The following COL4A1 variants were observed in gnomAD, a reference collection of about 807,000 sequenced individuals.
COL4A1 encodes collagen type IV alpha 1 chain, also known as collagen alpha-1(IV) chain.
COL4A1 carries 40 observed loss-of-function variants against 216.6 expected under a neutral mutation model. That is an observed-to-expected ratio of 0.18 (90% CI 0.14 to 0.24). The LOEUF is 0.24. Among genes scored for constraint, COL4A1 ranks in the 10% least tolerant of loss-of-function variants. The pLI is 1.00. For missense variants in COL4A1, 1,628 were observed against 2,196.8 expected (o/e 0.74, Z 5.18); for synonymous variants, 839 against 810.7 (o/e 1.03, Z -0.59).
At chr13:110,303,917 C>G (rs1884590463) in intron 1 of COL4A1, among the ~76,000 whole-genome samples, 1 of 152,236 alleles carries the variant, frequency 6.6e-6, no homozygotes, top group Non-Finnish European at 1.5e-5. Context: ...AGGGACAGAC[C>G]TGCCAGGGAA....
intron 1 of COL4A1, among the ~76,000 whole-genome samples, chr13:110,271,213 C>T (rs371493624): frequency 6.6e-6 from 1 of 152,180 alleles, no homozygotes; most frequent in East Asian, 1.9e-4. Context: ...GAGACAGCGG[C>T]GCCAACCACT....
intron 1 of COL4A1, among the ~76,000 whole-genome samples, chr13:110,252,772 T>A (rs1377009441): frequency 3.0e-5 from 3 of 99,914 alleles, no homozygotes; most frequent in African/African-American, 1.1e-4. Flanking sequence ...ATGTATCATA[T>A]AAACATATAA....
At chr13:110,199,913 T>A (rs1191517781) in intron 20 of COL4A1, among the ~76,000 whole-genome samples, 1 of 151,276 alleles carries the variant, frequency 6.6e-6, no homozygotes, top group Non-Finnish European at 1.5e-5. Context: ...AGAGTCAGAG[T>A]TTTTACAGAA....
At chr13:110,266,304 G>T (rs915259216) in intron 1 of COL4A1, among the ~76,000 whole-genome samples, 1 of 152,206 alleles carries the variant, frequency 6.6e-6, no homozygotes, top group Non-Finnish European at 1.5e-5. Context: ...AGGGGAACTG[G>T]CAAGCCACCG....
At chr13:110,220,640 T>A (rs887249894) in intron 2 of COL4A1, among the ~76,000 whole-genome samples, 8 of 151,960 alleles carry the variant, frequency 5.3e-5, no homozygotes, top group African/African-American at 1.9e-4. Context: ...GCACGTGGGG[T>A]TGTTTGGGCA....
chr13:110,246,710 T>C (rs613415), intron 1 of COL4A1, among the ~76,000 whole-genome samples: 150,497 of 152,316 alleles, frequency 0.99, 74,375 homozygotes, highest in Middle Eastern at 1. Context: ...TGGATGACCC[T>C]ACAGATAAGC....
In COL4A1 at chr13:110,268,180, G is replaced by T. The variant is rs1009011446; in HGVS notation, c.85-25446C>A. ...CTAGCATATAAAGACAAGGGGCCAGGTTCAGCAGGGCCGATGCCAACTGTG... is the reference window on the plus strand; with the variant it reads ...CTAGCATATAAAGACAAGGGGCCAGTTTCAGCAGGGCCGATGCCAACTGTG... On this transcript the variant is annotated intron_variant, in intron 1 of 51. Coordinates refer to ENST00000375820, the MANE Select transcript of COL4A1 (RefSeq NM_001845.6). This position sits in a 1 kb window ranked among gnomAD's most constrained non-coding sequence, Gnocchi z 4.1. Among the ~76,000 whole-genome samples the T allele has an allele frequency of 2.0e-5, 3 of 152,182 alleles. No individual in the cohort carries two copies. Among genetic ancestry groups the T allele is most frequent in the Non-Finnish European group, 4.4e-5 (3 of 68,038 alleles).
At chr13:110,169,854 C>T in intron 42 of COL4A1, 92 bp from the exon 43 acceptor site, 1 of 1,531,664 alleles carries the variant, frequency 6.5e-7, no homozygotes, top group Non-Finnish European at 8.9e-7. Flanking sequence ...CCCACGGCCC[C>T]TCACTGATAC....
At chr13:110,306,551 G>A (rs1884718363) in intron 1 of COL4A1, among the ~76,000 whole-genome samples, 3 of 152,028 alleles carry the variant, frequency 2.0e-5, no homozygotes, top group African/African-American at 4.8e-5. Flanking sequence ...GCAGCGCGGG[G>A]TGGGCGCTCC....
chr13:110,182,036 C>T (rs952799871), intron 28 of COL4A1, among the ~76,000 whole-genome samples: 16 of 152,220 alleles, frequency 1.1e-4, no homozygotes, highest in African/African-American at 3.4e-4. Flanking sequence ...CTCCTCACTG[C>T]CACAAAGCCA....
intron 43 of COL4A1, among the ~76,000 whole-genome samples, chr13:110,168,656 T>C (rs1050362902): frequency 6.6e-6 from 1 of 152,254 alleles, no homozygotes; most frequent in Non-Finnish European, 1.5e-5. Flanking sequence ...CTGATGACTC[T>C]AAGATATGTC....
At chr13:110,296,628 C>G (rs1249201379) in intron 1 of COL4A1, among the ~76,000 whole-genome samples, 1 of 152,264 alleles carries the variant, frequency 6.6e-6, no homozygotes, top group Middle Eastern at 3.4e-3. Flanking sequence ...CAGGGGAGAC[C>G]AGCTAGGCTT....
chr13:110,219,822 A>ATATG (rs1880337211), intron 2 of COL4A1, among the ~76,000 whole-genome samples: 1 of 111,556 alleles, frequency 9.0e-6, no homozygotes, highest in Non-Finnish European at 1.9e-5. Context: ...ATATATGTAT[A>ATATG]TATATGTATG....
chr13:110,183,360 C>T, intron 26 of COL4A1, 84 bp from the exon 27 acceptor site: 1 of 1,280,164 alleles, frequency 7.8e-7, no homozygotes. Context: ...GGGTGGGCTG[C>T]ACGCCACATC....
chr13:110,165,081 C>T, intron 45 of COL4A1, 91 bp from the exon 46 acceptor site: 4 of 1,539,196 alleles, frequency 2.6e-6, no homozygotes, highest in Non-Finnish European at 3.5e-6. Flanking sequence ...TGAAGCTATC[C>T]AAATGGAACG....
At chr13:110,231,110 G>A (rs191370167) in intron 2 of COL4A1, among the ~76,000 whole-genome samples, 61 of 152,318 alleles carry the variant, frequency 4.0e-4, no homozygotes, top group African/African-American at 1.3e-3. Flanking sequence ...TTTCCAGCCC[G>A]CGTGGTGAGG....
intron 48 of COL4A1, among the ~76,000 whole-genome samples, chr13:110,161,652 T>C (rs963574113): frequency 6.7e-6 from 1 of 149,876 alleles, no homozygotes; most frequent in African/African-American, 2.4e-5. Context: ...TTCACAACAG[T>C]TTTGCAGAAA....
At chr13:110,279,702 T>C (rs1481373307) in intron 1 of COL4A1, among the ~76,000 whole-genome samples, 3 of 152,214 alleles carry the variant, frequency 2.0e-5, no homozygotes, top group Non-Finnish European at 4.4e-5. Flanking sequence ...AGGTAGTTTT[T>C]CCCTCCCCAA....
At chr13:110,272,637 G>A (rs1293411597) in intron 1 of COL4A1, among the ~76,000 whole-genome samples, 1 of 152,060 alleles carries the variant, frequency 6.6e-6, no homozygotes, top group South Asian at 2.1e-4. Flanking sequence ...GTGACACTTC[G>A]CTACAAATGA....
Sources: gnomAD v4.1 joint callset for allele counts (sites outside exome capture counted in the v4.1 genomes callset) on GRCh38, gnomAD v4.1.1 for gene constraint, Gnocchi (gnomAD v3.1) non-coding constraint, MANE v1.5 for transcripts, NCBI Gene and HGNC (gene_info 2026-07-23, HGNC 2026-07-21) for gene names.